Variants in UIMC1 observed in about 807,000 individuals in gnomAD.
The protein encoded by UIMC1 is BRCA1-A complex subunit RAP80.
UIMC1 carries 42 observed loss-of-function variants against 84.9 expected under a neutral mutation model. The ratio of observed to expected loss-of-function variants is 0.49; its 90% CI spans 0.39 to 0.64. UIMC1 has a LOEUF of 0.64. Ranked by LOEUF, UIMC1 falls within the 30% of genes least tolerant of loss-of-function variation. The probability of loss-of-function intolerance (pLI) is 0.00; values close to 1 mark genes in which losing one functional copy is unlikely to be tolerated. For synonymous variants in UIMC1, 281 were observed against 293.0 expected (o/e 0.96, Z 0.42); for missense variants, 825 against 847.6 (o/e 0.97, Z 0.33).
At chr5:176,929,527 A>C (rs1041771662) in intron 10 of UIMC1, among the ~76,000 whole-genome samples, 2 of 152,150 alleles carry the variant, frequency 1.3e-5, no homozygotes, top group Non-Finnish European at 2.9e-5. Context: ...AAATCGTGCC[A>C]CTGCACTCCA....
intron 8 of UIMC1, among the ~76,000 whole-genome samples, chr5:176,952,939 C>A (rs753808203): frequency 6.6e-6 from 1 of 152,138 alleles, no homozygotes; most frequent in African/African-American, 2.4e-5. Flanking sequence ...TTGTGTACCC[C>A]CCGAACTTCG....
At chr5:176,905,958 C>T in intron 14 of UIMC1, 53 bp downstream of exon 14, 1 of 1,602,832 alleles carries the variant, frequency 6.2e-7, no homozygotes, top group East Asian at 2.2e-5. Flanking sequence ...AGGACAAGGC[C>T]TGCACTTTTC....
In UIMC1 at chr5:176,959,639, C is replaced by T. The variant is rs544658049; in HGVS notation, c.1201-1485G>A. On this transcript the variant is annotated intron_variant, in intron 6 of 14. Transcript: ENST00000511320. ...GCTGAGGCAGGAGAATGGCGTGAAC[C>T]CGGGAGGCGGAGCTTGCAGTGAGCC... Among the ~76,000 whole-genome samples, 280 of 150,136 alleles carry T rather than the reference C, an allele frequency of 1.9e-3. 2 individuals are homozygous for T. The highest frequency in any genetic ancestry group is 3.5e-3 in the Non-Finnish European group (235 of 67,454).
intron 1 of UIMC1, among the ~76,000 whole-genome samples, chr5:176,989,820 T>C (rs1159292760): frequency 6.6e-6 from 1 of 152,122 alleles, no homozygotes; most frequent in Non-Finnish European, 1.5e-5. Flanking sequence ...CTATCCACTA[T>C]GGTCTAAATG....
At chr5:176,937,319 C>T (rs548580049) in intron 10 of UIMC1, among the ~76,000 whole-genome samples, 243 of 152,214 alleles carry the variant, frequency 1.6e-3, no homozygotes, top group African/African-American at 5.6e-3. Context: ...CATGGTGAAA[C>T]CCCATCTCTG....
At chr5:177,010,609 C>T (rs1226137842), upstream of UIMC1, among the ~76,000 whole-genome samples, 7 of 151,864 alleles carry the variant, frequency 4.6e-5, no homozygotes, top group Non-Finnish European at 1.0e-4. Flanking sequence ...GCATGATCTG[C>T]CTCCTGGGTT....
At chr5:177,012,247 A>G (rs890900735) in intron 1 of UIMC1, among the ~76,000 whole-genome samples, 1 of 152,152 alleles carries the variant, frequency 6.6e-6, no homozygotes, top group African/African-American at 2.4e-5. Context: ...AACCAAATTT[A>G]TGATCTTCCC....
intron 9 of UIMC1, among the ~76,000 whole-genome samples, chr5:176,946,160 G>A (rs368989219): frequency 1.1e-4 from 16 of 152,190 alleles, no homozygotes; most frequent in African/African-American, 2.6e-4. Context: ...GCAGTGACCC[G>A]CCCCGGACCC....
At chr5:176,972,797 CACA>C (rs1013380430) in intron 3 of UIMC1, among the ~76,000 whole-genome samples, 10 of 152,054 alleles carry the variant, frequency 6.6e-5, no homozygotes, top group East Asian at 3.9e-4. Context: ...AGAACAAAAA[CACA>C]ACAACAATTA....
chr5:176,934,548 G>A (rs1291632088), intron 10 of UIMC1, among the ~76,000 whole-genome samples: 1 of 152,212 alleles, frequency 6.6e-6, no homozygotes. Context: ...TGAGCCAACT[G>A]CCTCACTCTG....
chr5:176,989,333 AT>A (rs1655337652), intron 1 of UIMC1, among the ~76,000 whole-genome samples: 1 of 152,162 alleles, frequency 6.6e-6, no homozygotes, highest in Admixed American at 6.5e-5. Flanking sequence ...TTTAATGCAT[AT>A]TTTTAATGAC....
rs749495757 is a variant in UIMC1 at position 176,932,858 on chromosome 5, CTTTT to C, written c.1597+10473_1597+10476del. ...CTTCATCCAGTCAGCAATAGCAATGCTTTTTTTTTTTTTTTTTTTTTTTACAGGA... is the reference window on the plus strand; with the variant it reads ...CTTCATCCAGTCAGCAATAGCAATGCTTTTTTTTTTTTTTTTTTTACAGGA... On this transcript the variant is annotated intron_variant, in intron 10 of 14. Transcript: ENST00000511320. Among the ~76,000 whole-genome samples, 5 of 106,628 alleles carry C rather than the reference CTTTT, an allele frequency of 4.7e-5. No homozygotes were observed. The South Asian group carries it at 1.3e-3, about 27-fold the overall frequency. The allele number at this position is 106,628 out of a possible 152,430, so 70.0% of individuals were successfully genotyped here. A position where few individuals can be genotyped will look rare whatever the true frequency, so the allele number is the denominator to read the frequency against.
intron 10 of UIMC1, among the ~76,000 whole-genome samples, chr5:176,912,263 T>C (rs532242745): frequency 3.3e-5 from 5 of 152,324 alleles, no homozygotes; most frequent in East Asian, 3.9e-4. Context: ...ACTACTCAAC[T>C]CTGCACTGTT....
At chr5:176,948,409 T>C (rs541380511) in intron 9 of UIMC1, among the ~76,000 whole-genome samples, 82 of 152,288 alleles carry the variant, frequency 5.4e-4, no homozygotes, top group African/African-American at 1.8e-3. Flanking sequence ...CTCTACCACG[T>C]TTTATATTCT....
At chr5:176,985,907 T>G (rs975894629) in intron 1 of UIMC1, among the ~76,000 whole-genome samples, 2 of 152,222 alleles carry the variant, frequency 1.3e-5, no homozygotes, top group Non-Finnish European at 2.9e-5. Flanking sequence ...ACATCATGTT[T>G]AAAGGTACAA....
intron 1 of UIMC1, among the ~76,000 whole-genome samples, chr5:176,983,668 T>C (rs1463337544): frequency 6.6e-6 from 1 of 152,122 alleles, no homozygotes; most frequent in Non-Finnish European, 1.5e-5. Flanking sequence ...ATCTAAGAAG[T>C]GAGCAGTGTC....
At chr5:176,915,760 G>A (rs1303511970) in intron 10 of UIMC1, among the ~76,000 whole-genome samples, 2 of 106,446 alleles carry the variant, frequency 1.9e-5, no homozygotes, top group Admixed American at 1.4e-4. Context: ...GACTGTAAAT[G>A]AAGTATTAAG....
At position 176,906,192 on chromosome 5, in the gene UIMC1, C is replaced by G. The variant is rs1397245975; in HGVS notation, c.1913-145G>C. 5.7e-6 allele frequency: 4 copies of G among 698,142 alleles called. No homozygotes were observed. The East Asian group carries it at 8.2e-5, about 14-fold the overall frequency. 43.2% of individuals were successfully genotyped at this position (698,142 alleles called of 1,614,324 possible). ...ACAGATCCCCAATCCCCTAAACCCACAGACGGTGAGCATTAGTGTCCAACA... is the reference window on the plus strand; with the variant it reads ...ACAGATCCCCAATCCCCTAAACCCAGAGACGGTGAGCATTAGTGTCCAACA... On this transcript the variant is annotated intron_variant, in intron 13 of 14. Transcript: ENST00000511320.
At chr5:176,913,748 G>A (rs568756487) in intron 10 of UIMC1, among the ~76,000 whole-genome samples, 9 of 152,326 alleles carry the variant, frequency 5.9e-5, no homozygotes, top group Non-Finnish European at 7.3e-5. Flanking sequence ...AGGCTGAGGC[G>A]GGCAGATCAC....
Sources: gnomAD v4.1 joint callset for allele counts (sites outside exome capture counted in the v4.1 genomes callset) on GRCh38, gnomAD v4.1.1 for gene constraint, MANE v1.5 for transcripts, NCBI Gene and HGNC (gene_info 2026-07-23, HGNC 2026-07-21) for gene names.